The following SMAD2 variants were observed in gnomAD, a reference collection of about 807,000 sequenced individuals.
SMAD2 encodes the protein MAD homolog 2.
In SMAD2, 8 loss-of-function variants were observed where a neutral mutation model predicts 64.4. That is an observed-to-expected ratio of 0.12 (90% CI 0.07 to 0.22). The LOEUF (loss-of-function observed/expected upper bound fraction) is 0.22. Among genes scored for constraint, SMAD2 ranks in the 10% least tolerant of loss-of-function variants. SMAD2 has a pLI of 1.00. For synonymous variants in SMAD2, 203 were observed against 195.8 expected (o/e 1.04, Z -0.31); for missense variants, 289 against 561.2 (o/e 0.51, Z 4.90).
chr18:47,838,917 C>G lies in SMAD2; in HGVS notation c.*2910G>C, dbSNP rs1913682122. 1.7e-5 allele frequency: 4 copies of G among 232,716 alleles called. No homozygotes were observed. The highest frequency in any genetic ancestry group is 3.4e-5 in the Non-Finnish European group (4 of 117,884). The allele number at this position is 232,716 out of a possible 1,614,324, so 14.4% of individuals were successfully genotyped here. A position where few individuals can be genotyped will look rare whatever the true frequency, so the allele number is the denominator to read the frequency against. On this transcript the variant is annotated 3_prime_UTR_variant, in exon 11 of 11. Transcript: ENST00000262160. ...ATTAACAGTATTGTGAAGAATAAATCCTAAGTAATGTTGCTAATTTAAATA... is the reference window on the plus strand; with the variant it reads ...ATTAACAGTATTGTGAAGAATAAATGCTAAGTAATGTTGCTAATTTAAATA...
intron 2 of SMAD2, among the ~76,000 whole-genome samples, chr18:47,884,806 G>A (rs1262935875): frequency 6.6e-6 from 1 of 151,988 alleles, no homozygotes; most frequent in Non-Finnish European, 1.5e-5. Context: ...ATATAGTATA[G>A]CCTTTCTTAG....
At chr18:47,898,910 T>C (rs2033561671) in intron 1 of SMAD2, among the ~76,000 whole-genome samples, 1 of 152,134 alleles carries the variant, frequency 6.6e-6, no homozygotes, top group African/African-American at 2.4e-5. Flanking sequence ...GCCTGTCTAT[T>C]GTGCCTGTAT....
rs190401266 is a variant in SMAD2, at chr18:47,831,851, G to A, written c.*9976C>T. Reference sequence around the variant, plus strand: ...TATTGCAGCAAAAGATAATTTTTATGTGTAAATTAGCTTTTTGGGTTTTTC... The same window carrying A: ...TATTGCAGCAAAAGATAATTTTTATATGTAAATTAGCTTTTTGGGTTTTTC... On this transcript the variant is annotated 3_prime_UTR_variant, in exon 11 of 11. Transcript: ENST00000262160. 4 of 152,278 alleles carry A rather than the reference G, an allele frequency of 2.6e-5. No homozygotes were observed. The highest frequency in any genetic ancestry group is 4.8e-5 in the African/African-American group (2 of 41,548). 9.4% of individuals were successfully genotyped at this position (152,278 alleles called of 1,614,324 possible).
intron 6 of SMAD2, among the ~76,000 whole-genome samples, chr18:47,860,705 A>C (rs1286416834): frequency 1.3e-5 from 2 of 152,088 alleles, no homozygotes; most frequent in Non-Finnish European, 2.9e-5. Context: ...AAGGGAAAAA[A>C]CCCTACAGAC....
chr18:47,870,632 T>C (rs1303355074), intron 2 of SMAD2, 68 bp from the exon 3 acceptor site: 2 of 982,534 alleles, frequency 2.0e-6, no homozygotes, highest in Non-Finnish European at 3.3e-6. Flanking sequence ...AATACCATGA[T>C]GTAAAACATG....
rs555565405 is a variant in SMAD2, at chr18:47,923,330, C to T, written c.-54+7031G>A. Among the ~76,000 whole-genome samples, 71 of 152,280 alleles carry T rather than the reference C, an allele frequency of 4.7e-4. No homozygotes were observed. The South Asian group carries it at 7.0e-3, about 15-fold the overall frequency. On this transcript the variant is annotated intron_variant, in intron 1 of 10. Coordinates refer to ENST00000262160, the MANE Select transcript of SMAD2 (RefSeq NM_005901.6). ...CAGCAACTAATACCACGTCAATTCA[C>T]GTGAGTGGGGTCCTCAGGCCATAAA...
chr18:47,917,157 T>C (rs538139113), intron 1 of SMAD2, among the ~76,000 whole-genome samples: 185 of 152,338 alleles, frequency 1.2e-3, no homozygotes, highest in African/African-American at 4.2e-3. Context: ...TCTGTAATTG[T>C]TGGGTGCTTG....
intron 2 of SMAD2, among the ~76,000 whole-genome samples, chr18:47,873,115 C>T (rs1271008842): frequency 2.0e-5 from 3 of 152,042 alleles, no homozygotes; most frequent in Admixed American, 6.6e-5. Flanking sequence ...GCTGGGATTA[C>T]AGAAGTAAGT....
Position 47,816,762 on chromosome 18 carries a change from GTC to G in SMAD2, c.*25063_*25064del, listed in dbSNP as rs1313631861. The G allele has an allele frequency of 7.5e-6, 1 of 132,484 alleles. No individual in the cohort carries two copies. The highest frequency in any genetic ancestry group is 2.4e-4 in the East Asian group (1 of 4,180). The allele number at this position is 132,484 out of a possible 1,614,324, so 8.2% of individuals were successfully genotyped here. The stretch of plus-strand genomic sequence containing the variant: ...ACACACGTAGTTTACCATGACATGG[GTC>G]TTTTTTTTTTTTTTTTGGAGACGTA... On this transcript the variant is annotated 3_prime_UTR_variant, in exon 11 of 11. Coordinates refer to ENST00000262160, the MANE Select transcript of SMAD2 (RefSeq NM_005901.6).
rs1216647527 is a variant in SMAD2 at position 47,839,390 on chromosome 18, T to TC, written c.*2436dup. ...AAGTAAGAAAAAGAAGGGCAGAGGCTCCACTGAGTATCTCCTACAGGCCTG... is the reference window on the plus strand; with the variant it reads ...AAGTAAGAAAAAGAAGGGCAGAGGCTCCCACTGAGTATCTCCTACAGGCCTG... On this transcript the variant is annotated 3_prime_UTR_variant, in exon 11 of 11. Coordinates refer to ENST00000262160, the MANE Select transcript of SMAD2 (RefSeq NM_005901.6). 1 of 233,190 alleles carries TC rather than the reference T, an allele frequency of 4.3e-6. No homozygotes were observed. Among genetic ancestry groups the TC allele is most frequent in the Non-Finnish European group, 8.5e-6 (1 of 118,030 alleles). The allele number at this position is 233,190 out of a possible 1,614,324, so 14.4% of individuals were successfully genotyped here. A position where few individuals can be genotyped will look rare whatever the true frequency, so the allele number is the denominator to read the frequency against.
rs565040939 is a variant in SMAD2 at position 47,815,291 on chromosome 18, T to C, written c.*26536A>G. 6.6e-6 allele frequency: 1 copy of C among 152,292 alleles called. No individual in the cohort carries two copies. Among genetic ancestry groups the C allele is most frequent in the African/African-American group, 2.4e-5 (1 of 41,566 alleles). The allele number at this position is 152,292 out of a possible 1,614,324, so 9.4% of individuals were successfully genotyped here. A position where few individuals can be genotyped will look rare whatever the true frequency, so the allele number is the denominator to read the frequency against. On this transcript the variant is annotated 3_prime_UTR_variant, in exon 11 of 11. Transcript: ENST00000262160. Reference sequence around the variant, plus strand: ...CCTTCCCAAAACCAGATGGGATGCATGAGAAATTGATGTGAAATGAAGGAA... The same window carrying C: ...CCTTCCCAAAACCAGATGGGATGCACGAGAAATTGATGTGAAATGAAGGAA...
chr18:47,821,621 T>C lies in SMAD2; in HGVS notation c.*20206A>G, dbSNP rs1444522746. ...CTGATTAAATTCAAGTACCTTTTCA[T>C]CAGATTCAACTTTCAGTATATCCAA... is the stretch of plus-strand genomic sequence containing the variant. On this transcript the variant is annotated 3_prime_UTR_variant, in exon 11 of 11. Coordinates refer to ENST00000262160, the MANE Select transcript of SMAD2 (RefSeq NM_005901.6). 1 of 152,232 alleles carries C rather than the reference T, an allele frequency of 6.6e-6. No homozygotes were observed. The highest frequency in any genetic ancestry group is 1.5e-5 in the Non-Finnish European group (1 of 68,044). The allele number at this position is 152,232 out of a possible 1,614,324, so 9.4% of individuals were successfully genotyped here. A position where few individuals can be genotyped will look rare whatever the true frequency, so the allele number is the denominator to read the frequency against.
intron 3 of SMAD2, among the ~76,000 whole-genome samples, chr18:47,870,224 C>A (rs1015832556): frequency 6.6e-6 from 1 of 152,008 alleles, no homozygotes; most frequent in Non-Finnish European, 1.5e-5. Flanking sequence ...ATATAGTTAT[C>A]AAAATTATTA....
At chr18:47,922,473 T>C (rs1217120488) in intron 1 of SMAD2, 3 of 152,350 alleles carry the variant, frequency 2.0e-5, no homozygotes, top group African/African-American at 2.4e-5. Flanking sequence ...ACTATTTACA[T>C]TGTATTAGAT....
chr18:47,912,024 A>G (rs1327784129), intron 1 of SMAD2, among the ~76,000 whole-genome samples: 1 of 152,220 alleles, frequency 6.6e-6, no homozygotes, highest in Non-Finnish European at 1.5e-5. Flanking sequence ...CACAGAGAAC[A>G]GGATTCAACC....
intron 2 of SMAD2, among the ~76,000 whole-genome samples, chr18:47,893,959 A>G (rs2033322470): frequency 6.6e-6 from 1 of 152,166 alleles, no homozygotes; most frequent in Non-Finnish European, 1.5e-5. Flanking sequence ...ATCAGGTGAG[A>G]GGGCAGAAAA....
intron 1 of SMAD2, among the ~76,000 whole-genome samples, chr18:47,928,787 ATT>A (rs1271427807): frequency 6.6e-6 from 1 of 152,216 alleles, no homozygotes; most frequent in Non-Finnish European, 1.5e-5. Context: ...TCTAAGAGCA[ATT>A]TCTTACTAAA....
At chr18:47,895,839 G>C (rs1248256066) in intron 2 of SMAD2, 2 of 152,660 alleles carry the variant, frequency 1.3e-5, no homozygotes, top group Non-Finnish European at 2.9e-5. Flanking sequence ...TCATTTTAGA[G>C]AATTCTTACA....
chr18:47,876,770 AAATTT>A (rs2032286310), intron 2 of SMAD2, among the ~76,000 whole-genome samples: 1 of 152,092 alleles, frequency 6.6e-6, no homozygotes, highest in Admixed American at 6.6e-5. Context: ...ACTGAAATTA[AAATTT>A]AATATCTAGT....
Sources: allele counts gnomAD v4.1 joint callset (sites outside exome capture counted in the v4.1 genomes callset), GRCh38; gene constraint gnomAD v4.1.1; transcripts MANE v1.5; gene names NCBI Gene and HGNC (gene_info 2026-07-23, HGNC 2026-07-21).